Variants in SFXN1 observed in about 807,000 individuals in gnomAD.
The protein encoded by SFXN1 is sideroflexin-1.
Under a neutral mutation model 39.5 loss-of-function variants are expected in SFXN1, and 32 were observed. The ratio of observed to expected loss-of-function variants is 0.81; its 90% CI spans 0.61 to 1.09. The LOEUF (loss-of-function observed/expected upper bound fraction) is 1.09, where lower values mean the gene tolerates loss of function less well. SFXN1 is among the 50% of genes least tolerant of loss of function. The probability of loss-of-function intolerance (pLI) is 0.00; values close to 1 mark genes in which losing one functional copy is unlikely to be tolerated. For synonymous variants in SFXN1, 136 were observed against 146.5 expected, an observed-to-expected ratio of 0.93 and a Z score of 0.52; for missense variants, 402 against 407.1, an observed-to-expected ratio of 0.99 and a Z score of 0.11.
chr5:175,497,880 A>C (rs1486050723), intron 2 of SFXN1, among the ~76,000 whole-genome samples: 1 of 147,286 alleles, frequency 6.8e-6, no homozygotes, highest in Middle Eastern at 3.2e-3. Context: ...TAGTGAGCCG[A>C]GATTGCGCCA....
At chr5:175,520,400 G>A (rs1179076672) in intron 8 of SFXN1, among the ~76,000 whole-genome samples, 1 of 152,128 alleles carries the variant, frequency 6.6e-6, no homozygotes, top group African/African-American at 2.4e-5. Context: ...GACTAATGTG[G>A]TATCAGACTT....
intron 1 of SFXN1, among the ~76,000 whole-genome samples, chr5:175,486,140 T>C (rs1266208468): frequency 6.6e-6 from 1 of 152,094 alleles, no homozygotes; most frequent in Non-Finnish European, 1.5e-5. Context: ...TATTGTAGTA[T>C]AGAACTTCAT....
chr5:175,497,919 A>G (rs373652160), intron 2 of SFXN1, among the ~76,000 whole-genome samples: 1 of 149,826 alleles, frequency 6.7e-6, no homozygotes, highest in South Asian at 2.2e-4. Context: ...GACAAGAGCA[A>G]AACTCCGTCT....
chr5:175,527,552 T>A lies in SFXN1; in HGVS notation c.*818T>A, dbSNP rs941890839. ...AAGTATATTCAATACCAATGCTGTATGAGTGGGCTGAATCCAGTTCATTGT... is the reference window on the plus strand; with the variant it reads ...AAGTATATTCAATACCAATGCTGTAAGAGTGGGCTGAATCCAGTTCATTGT... On this transcript the variant is annotated 3_prime_UTR_variant, in exon 11 of 11. Coordinates refer to ENST00000321442, the MANE Select transcript of SFXN1 (RefSeq NM_022754.7). The A allele has an allele frequency of 6.6e-6, 1 of 152,204 alleles. No individual in the cohort carries two copies. Among genetic ancestry groups the A allele is most frequent in the African/African-American group, 2.4e-5 (1 of 41,450 alleles). 9.4% of individuals were successfully genotyped at this position (152,204 alleles called of 1,614,324 possible).
rs1761151980 is a variant in SFXN1, at chr5:175,528,748, T to A, written c.*2014T>A. 1 of 152,192 alleles carries A rather than the reference T, an allele frequency of 6.6e-6. No homozygotes were observed. The highest frequency in any genetic ancestry group is 2.4e-5 in the African/African-American group (1 of 41,442). The allele number at this position is 152,192 out of a possible 1,614,324, so 9.4% of individuals were successfully genotyped here. On this transcript the variant is annotated 3_prime_UTR_variant, in exon 11 of 11. Transcript: ENST00000321442. The stretch of plus-strand genomic sequence containing the variant: ...TAAACCATTGGAAGCAAAACGGTTT[T>A]CCCATGACATTCTGGCCTTGGACAG...
rs868696487 is a variant in SFXN1 at position 175,497,694 on chromosome 5, C to T, written c.164+5427C>T. Among the ~76,000 whole-genome samples, 6 of 152,020 alleles carry T rather than the reference C, an allele frequency of 3.9e-5. 1 individual carries two copies. Among genetic ancestry groups the T allele is most frequent in the Middle Eastern group, 6.8e-3 (2 of 294 alleles). The stretch of plus-strand genomic sequence containing the variant: ...CTGTAATCCCAGCACTTTTTGAGGC[C>T]GAGACGGGTAGATCACCTCAGGTTA... On this transcript the variant is annotated intron_variant, in intron 2 of 10. Transcript: ENST00000321442.
intron 8 of SFXN1, among the ~76,000 whole-genome samples, chr5:175,519,321 C>A (rs1298222634): frequency 2.0e-5 from 3 of 152,018 alleles, no homozygotes; most frequent in Non-Finnish European, 4.4e-5. Flanking sequence ...CAGATGCTGC[C>A]CTATGATCCA....
At chr5:175,502,620 G>C (rs1027803071) in intron 2 of SFXN1, among the ~76,000 whole-genome samples, 3 of 152,102 alleles carry the variant, frequency 2.0e-5, no homozygotes, top group Non-Finnish European at 4.4e-5. Flanking sequence ...CGGGAGGATT[G>C]CCTGAGCTCA....
intron 6 of SFXN1, 99 bp downstream of exon 6, chr5:175,512,295 T>C: frequency 9.8e-7 from 1 of 1,021,162 alleles, no homozygotes; most frequent in Non-Finnish European, 1.5e-6. Flanking sequence ...TGTTTTAATA[T>C]GTATAGGTGA....
chr5:175,500,747 C>T (rs1042140387), intron 2 of SFXN1, among the ~76,000 whole-genome samples: 30 of 152,134 alleles, frequency 2.0e-4, no homozygotes, highest in African/African-American at 6.8e-4. Context: ...CTCGTAGTAA[C>T]GACAGTTTAG....
chr5:175,512,937 A>C (rs190991503), intron 6 of SFXN1, among the ~76,000 whole-genome samples: 10 of 152,328 alleles, frequency 6.6e-5, no homozygotes, highest in Non-Finnish European at 1.5e-5. Context: ...ACCCTGTTTT[A>C]AAAGTTTACT....
chr5:175,521,941 C>G lies in SFXN1; in HGVS notation c.797C>G (p.Pro266Arg), dbSNP rs767443925. The change falls in exon 9 of 11, where the codon CCC (proline) becomes CGC (arginine). Residue 266 changes from proline (P) to arginine (R), a missense_variant. Physicochemically the swap from Pro to Arg is moderately radical, Grantham distance 103 (BLOSUM62 -2). Coordinates refer to ENST00000321442, the MANE Select transcript of SFXN1 (RefSeq NM_022754.7). ...FLKRFPWMSA[P>R]IQVGLVGFCL... ...CAGAGGTTCCCATGGATGAGTGCAC[C>G]CATTCAAGTTGGGTTAGTTGGCTTC... 1 of 1,601,844 alleles carries G rather than the reference C, an allele frequency of 6.2e-7. No individual in the cohort carries two copies. Among genetic ancestry groups the G allele is most frequent in the East Asian group, 2.2e-5 (1 of 44,812 alleles).
chr5:175,513,296 TAAAAAAAAAAAAAA>T (rs55761424), intron 6 of SFXN1, among the ~76,000 whole-genome samples, 153 bp from the exon 7 acceptor site: 5 of 65,276 alleles, frequency 7.7e-5, no homozygotes, highest in East Asian at 5.7e-4. Context: ...AGTGAGACTG[TAAAAAAAAAAAAAA>T]AAAAAAAAAA....
intron 6 of SFXN1, 129 bp downstream of exon 6, chr5:175,512,325 T>A: frequency 1.2e-6 from 1 of 828,186 alleles, no homozygotes; most frequent in Admixed American, 2.7e-5. Context: ...AGATCTTGGA[T>A]TTCTTTTGAA....
At chr5:175,487,709 T>G (rs1176671870) in intron 1 of SFXN1, among the ~76,000 whole-genome samples, 1 of 152,164 alleles carries the variant, frequency 6.6e-6, no homozygotes, top group Non-Finnish European at 1.5e-5. Flanking sequence ...CAGATTACAC[T>G]TCTCCCCTGA....
chr5:175,499,009 CT>C (rs771279075), intron 2 of SFXN1, among the ~76,000 whole-genome samples: 37 of 152,178 alleles, frequency 2.4e-4, no homozygotes, highest in Non-Finnish European at 4.9e-4. Context: ...AATCCCAGCA[CT>C]TTGGGAGGCT....
intron 7 of SFXN1, among the ~76,000 whole-genome samples, chr5:175,514,169 C>T (rs1391338582): frequency 6.6e-6 from 1 of 151,888 alleles, no homozygotes; most frequent in Non-Finnish European, 1.5e-5. Flanking sequence ...GGAGGCTGTG[C>T]GGGGAGGCTG....
Position 175,524,149 on chromosome 5 carries a change from T to A in SFXN1, c.872+1727T>A, listed in dbSNP as rs1374276277. 1.0e-3 allele frequency: 94 copies of A among 90,186 alleles called. 5 individuals carry two copies. Among genetic ancestry groups the A allele is most frequent in the Admixed American group, 2.8e-3 (25 of 9,078 alleles). 5.6% of individuals were successfully genotyped at this position (90,186 alleles called of 1,614,324 possible). A position where few individuals can be genotyped will look rare whatever the true frequency, so the allele number is the denominator to read the frequency against. ...AAATATATATATATATATATATATA[T>A]ATATATATATATATATATATATCTC... On this transcript the variant is annotated intron_variant, in intron 10 of 10. Transcript: ENST00000321442.
chr5:175,526,738 A>G lies in SFXN1; in HGVS notation c.*4A>G. The G allele has an allele frequency of 1.2e-6, 2 of 1,612,514 alleles. No homozygotes were observed. Among genetic ancestry groups the G allele is most frequent in the East Asian group, 4.5e-5 (2 of 44,888 alleles). ...GTACTTCAATAAGGGATTGTAAAGC[A>G]GGGAGGAAACCTCTGCAGCTCATTC... On this transcript the variant is annotated 3_prime_UTR_variant, in exon 11 of 11. Transcript: ENST00000321442.
Sources: allele counts gnomAD v4.1 joint callset (sites outside exome capture counted in the v4.1 genomes callset), GRCh38; gene constraint gnomAD v4.1.1; transcripts MANE v1.5; gene names NCBI Gene and HGNC (gene_info 2026-07-23, HGNC 2026-07-21).